CHD6: variants seen among roughly 807,000 people sequenced by gnomAD.
CHD6 encodes chromodomain helicase DNA binding protein 6.
A neutral mutation model predicts 276.9 loss-of-function variants in CHD6; 50 were observed. That is an observed-to-expected ratio of 0.18 (90% confidence interval 0.14 to 0.23). CHD6 has a LOEUF of 0.23. CHD6 is among the 10% of genes least tolerant of loss of function. The pLI is 1.00. For synonymous variants in CHD6, 1,173 were observed against 1,229.3 expected (o/e 0.95, Z 0.96); for missense variants, 2,564 against 3,365.8 (o/e 0.76, Z 5.89).
chr20:41,594,920 G>GGACAGT (rs1419167468), intron 1 of CHD6, among the ~76,000 whole-genome samples: 1 of 152,346 alleles, frequency 6.6e-6, no homozygotes, highest in East Asian at 1.9e-4. Context: ...GATCGGACAG[G>GGACAGT]TGCAGGTAGC....
chr20:41,435,316 C>A (rs2047671364), intron 27 of CHD6, among the ~76,000 whole-genome samples: 1 of 152,142 alleles, frequency 6.6e-6, no homozygotes, highest in African/African-American at 2.4e-5. Flanking sequence ...TAGAAAAGGG[C>A]TGGGCACAAT....
At chr20:41,512,691 A>G (rs1225228186) in intron 5 of CHD6, among the ~76,000 whole-genome samples, 155 bp downstream of exon 5, 1 of 152,170 alleles carries the variant, frequency 6.6e-6, no homozygotes, top group East Asian at 1.9e-4. Flanking sequence ...AGGAGTCTGA[A>G]TGTCATTCCC....
At chr20:41,612,658 A>T (rs894351388) in intron 1 of CHD6, among the ~76,000 whole-genome samples, 5 of 152,216 alleles carry the variant, frequency 3.3e-5, no homozygotes, top group Non-Finnish European at 5.9e-5. Context: ...TATGATCTAG[A>T]CTTAGCTTAC....
intron 19 of CHD6, among the ~76,000 whole-genome samples, chr20:41,455,178 A>T (rs776127958): frequency 1.3e-5 from 2 of 152,240 alleles, no homozygotes; most frequent in Non-Finnish European, 2.9e-5. Flanking sequence ...TATCCTCCTT[A>T]TAAAACACTG....
chr20:41,482,500 A>G (rs2043317539), intron 16 of CHD6: 1 of 504,252 alleles, frequency 2.0e-6, no homozygotes, highest in Admixed American at 2.0e-5. Context: ...AAAGAATAAG[A>G]ACATCTGTTA....
intron 1 of CHD6, among the ~76,000 whole-genome samples, chr20:41,612,175 CTTCTT>C (rs1432340805): frequency 1.3e-5 from 2 of 152,316 alleles, no homozygotes; most frequent in East Asian, 1.9e-4. Flanking sequence ...CATCTACATG[CTTCTT>C]TTCAAGTTCT....
At chr20:41,569,638 T>A (rs994453831) in intron 1 of CHD6, among the ~76,000 whole-genome samples, 1 of 152,160 alleles carries the variant, frequency 6.6e-6, no homozygotes, top group Non-Finnish European at 1.5e-5. Flanking sequence ...TTACCATGTA[T>A]CACCTCCTGC....
rs1182531988 is a variant in CHD6 at position 41,420,993 on chromosome 20, G to A, written c.5642C>T (p.Ala1881Val). Residue 1881 changes from alanine (A) to valine (V), a missense_variant, in exon 31 of 37, where the codon GCA becomes GTA. By Grantham distance (64) the Ala-to-Val change is moderately conservative (BLOSUM62 0). Transcript: ENST00000373233. ...EENEEENLAM[A>V]VGMGERPEVL... ...CTCTGGCCTTTCCCCCATGCCTACTGCCATGGCTAAGTTTTCCTCCTCGTT... is the reference window on the plus strand; with the variant it reads ...CTCTGGCCTTTCCCCCATGCCTACTACCATGGCTAAGTTTTCCTCCTCGTT... 1 of 1,613,930 alleles carries A rather than the reference G, an allele frequency of 6.2e-7. No individual in the cohort carries two copies. Among genetic ancestry groups the A allele is most frequent in the Non-Finnish European group, 8.5e-7 (1 of 1,180,002 alleles).
chr20:41,609,855 C>CTTTTTTTTTTTTTTTTTTTT (rs369159347), intron 1 of CHD6, among the ~76,000 whole-genome samples: 2 of 128,226 alleles, frequency 1.6e-5, no homozygotes, highest in South Asian at 2.5e-4. Context: ...TTTCTTTTTT[C>CTTTTTTTTTTTTTTTTTTTT]TTTTTTTTTT....
Position 41,497,477 on chromosome 20 carries a change from G to A in CHD6, c.999C>T (p.Ala333=). ...RNFSYLHCKW[A]TMEELEKDPR... ...GATCCTTTTCGAGCTCTTCCATTGT[G>A]GCCCATTTACAATGTAAGTAGGAAC... Residue 333 remains alanine (A), a synonymous_variant, in exon 8 of 37, where the codon GCC becomes GCT. Transcript: ENST00000373233. 1 of 1,612,988 alleles carries A rather than the reference G, an allele frequency of 6.2e-7. No homozygotes were observed. The highest frequency in any genetic ancestry group is 8.5e-7 in the Non-Finnish European group (1 of 1,179,072).
chr20:41,406,962 T>C (rs1245712746), intron 36 of CHD6, among the ~76,000 whole-genome samples: 1 of 152,200 alleles, frequency 6.6e-6, no homozygotes, highest in Non-Finnish European at 1.5e-5. Flanking sequence ...TGCTACAAAG[T>C]CAGTGCTGTT....
At chr20:41,574,804 G>C (rs765465106) in intron 1 of CHD6, among the ~76,000 whole-genome samples, 1 of 152,114 alleles carries the variant, frequency 6.6e-6, no homozygotes, top group African/African-American at 2.4e-5. Context: ...AGGAAAATAG[G>C]GTCTGGAGGC....
At chr20:41,554,214 T>C (rs961076832) in intron 1 of CHD6, among the ~76,000 whole-genome samples, 8 of 152,142 alleles carry the variant, frequency 5.3e-5, no homozygotes, top group Admixed American at 3.3e-4. Flanking sequence ...TTTTGTAATG[T>C]ATAAAGAACT....
chr20:41,485,082 A>C (rs956917226), intron 14 of CHD6, among the ~76,000 whole-genome samples: 7 of 152,242 alleles, frequency 4.6e-5, no homozygotes, highest in Non-Finnish European at 1.5e-5. Flanking sequence ...AAGTAACAAT[A>C]GCAGCATACA....
chr20:41,488,967 T>G (rs2043485183), intron 12 of CHD6, among the ~76,000 whole-genome samples: 1 of 152,232 alleles, frequency 6.6e-6, no homozygotes, highest in South Asian at 2.1e-4. Context: ...ATAGTTTGAA[T>G]GCCCAAAGGA....
At chr20:41,525,256 T>C (rs753988675) in intron 3 of CHD6, among the ~76,000 whole-genome samples, 1 of 152,212 alleles carries the variant, frequency 6.6e-6, no homozygotes. Flanking sequence ...ATTCCTTATA[T>C]GGAGCCCTAG....
intron 2 of CHD6, among the ~76,000 whole-genome samples, chr20:41,536,259 G>A (rs2044827732): frequency 6.6e-6 from 1 of 152,154 alleles, no homozygotes; most frequent in Non-Finnish European, 1.5e-5. Flanking sequence ...TTTAAATAGA[G>A]ACAAGAATCT....
intron 16 of CHD6, among the ~76,000 whole-genome samples, chr20:41,476,062 T>C (rs951714530): frequency 6.6e-6 from 1 of 152,176 alleles, no homozygotes; most frequent in Non-Finnish European, 1.5e-5. Flanking sequence ...CCTCTGGCCA[T>C]GCCCTCATTC....
intron 27 of CHD6, among the ~76,000 whole-genome samples, chr20:41,433,775 C>G (rs1439036549): frequency 6.6e-6 from 1 of 152,000 alleles, no homozygotes; most frequent in Non-Finnish European, 1.5e-5. Context: ...TTAACATTAC[C>G]TGATAAGAAA....
Sources: gnomAD v4.1 joint callset for allele counts (sites outside exome capture counted in the v4.1 genomes callset) on GRCh38, gnomAD v4.1.1 for gene constraint, MANE v1.5 for transcripts, NCBI Gene and HGNC (gene_info 2026-07-23, HGNC 2026-07-21) for gene names.